Variants in CDC42BPG observed in about 807,000 individuals in gnomAD.
The protein encoded by CDC42BPG is serine/threonine-protein kinase MRCK gamma.
CDC42BPG carries 157 observed loss-of-function variants against 192.2 expected under a neutral mutation model. The ratio of observed to expected loss-of-function variants is 0.82; its 90% CI spans 0.72 to 0.93. CDC42BPG has a LOEUF of 0.93. Among genes scored for constraint, CDC42BPG ranks in the 40% least tolerant of loss-of-function variants. The probability of loss-of-function intolerance (pLI) is 0.00; values close to 1 mark genes in which losing one functional copy is unlikely to be tolerated. For missense variants in CDC42BPG, 1,992 were observed against 2,122.1 expected (o/e 0.94, Z 1.20); for synonymous variants, 981 against 918.5 (o/e 1.07, Z -1.23).
chr11:64,835,745 G>C lies in CDC42BPG; in HGVS notation c.1758+17C>G, dbSNP rs1240878664. The C allele has an allele frequency of 6.2e-7, 1 of 1,613,268 alleles. No individual in the cohort carries two copies. The highest frequency in any genetic ancestry group is 2.2e-5 in the East Asian group (1 of 44,866). On this transcript the variant is annotated intron_variant, in intron 14 of 36. Coordinates refer to ENST00000342711, the MANE Select transcript of CDC42BPG (RefSeq NM_017525.3). Reference sequence around the variant, plus strand: ...TGGTGGGGAAGCACCTCTTGCCAAGGGGGAGGACTTGACTACCTTGGCCTG... The same window carrying C: ...TGGTGGGGAAGCACCTCTTGCCAAGCGGGAGGACTTGACTACCTTGGCCTG...
At chr11:64,826,437 T>C (rs375949928) in intron 36 of CDC42BPG, 33 bp downstream of exon 36, 7 of 1,485,420 alleles carry the variant, frequency 4.7e-6, no homozygotes, top group Non-Finnish European at 5.6e-6. Flanking sequence ...GACGTTTGAA[T>C]AGGGGACGGA....
chr11:64,837,132 C>A, intron 9 of CDC42BPG, 113 bp from the exon 10 acceptor site: 1 of 921,724 alleles, frequency 1.1e-6, no homozygotes, highest in South Asian at 1.4e-5. Context: ...ACAGACCCTG[C>A]CCTCGGGAGA....
rs1278840769 is a variant in CDC42BPG at position 64,827,260 on chromosome 11, C to A, written c.4271+18G>T. The A allele has an allele frequency of 1.2e-6, 2 of 1,613,328 alleles. No individual in the cohort carries two copies. The highest frequency in any genetic ancestry group is 8.5e-7 in the Non-Finnish European group (1 of 1,179,706). ...GGCGGCCCCACCCAGCCTCAGCCCCCGCGTCGTGCACGCGCACCTGCGCTG... is the reference window on the plus strand; with the variant it reads ...GGCGGCCCCACCCAGCCTCAGCCCCAGCGTCGTGCACGCGCACCTGCGCTG... On this transcript the variant is annotated intron_variant, in intron 33 of 36. Transcript: ENST00000342711.
rs1281243962 is a variant in CDC42BPG at position 64,833,669 on chromosome 11, G to C, written c.2566-10C>G. ...CTCTGGGGAACACAGCCTGCAGGAG[G>C]GCGGGGGAGCAGGTGAGACGGGCAA... On this transcript the variant is annotated splice_polypyrimidine_tract_variant and intron_variant, in intron 22 of 36. Coordinates refer to ENST00000342711, the MANE Select transcript of CDC42BPG (RefSeq NM_017525.3). The C allele has an allele frequency of 6.2e-7, 1 of 1,612,616 alleles. No homozygotes were observed. The highest frequency in any genetic ancestry group is 8.5e-7 in the Non-Finnish European group (1 of 1,179,606).
At chr11:64,830,121 C>G in intron 29 of CDC42BPG, 51 bp from the exon 30 acceptor site, 1 of 1,611,416 alleles carries the variant, frequency 6.2e-7, no homozygotes, top group Non-Finnish European at 8.5e-7. Context: ...TGAAGAGTGA[C>G]CCATCCCCAT....
intron 27 of CDC42BPG, among the ~76,000 whole-genome samples, 192 bp downstream of exon 27, chr11:64,832,236 C>T (rs572251777): frequency 2.0e-5 from 3 of 152,320 alleles, no homozygotes; most frequent in East Asian, 1.9e-4. Flanking sequence ...AGGAGCACCC[C>T]GAGCCCCGCA....
At chr11:64,836,715 G>GGA (rs1555173159) in intron 11 of CDC42BPG, 24 bp downstream of exon 11, 1 of 870,666 alleles carries the variant, frequency 1.1e-6, no homozygotes, top group East Asian at 2.9e-5. Context: ...CTGGGGGGGG[G>GGA]GGGGGGGTGG....
rs749521014 is a variant in CDC42BPG, at chr11:64,838,693, G to A, written c.1086C>T (p.Thr362=). Residue 362 remains threonine, a synonymous_variant, in exon 8 of 37, where the codon ACC becomes ACT. Transcript: ENST00000342711. ...YIPELRGPMD[T]SNFDVDDDTL... ...TGTCGTCATCCACATCAAAGTTGGAGGTGTCCATGGGCCCCCGCAGCTCAG... is the reference window on the plus strand; with the variant it reads ...TGTCGTCATCCACATCAAAGTTGGAAGTGTCCATGGGCCCCCGCAGCTCAG... 2.5e-6 allele frequency: 4 copies of A among 1,613,246 alleles called. No homozygotes were observed. The South Asian group carries it at 3.3e-5, about 13-fold the overall frequency.
At chr11:64,841,783 C>T in intron 2 of CDC42BPG, 30 bp downstream of exon 2, 1 of 1,611,722 alleles carries the variant, frequency 6.2e-7, no homozygotes, top group Admixed American at 1.7e-5. Context: ...GTGAACACCT[C>T]CCCCCACCTA....
rs1349859413 is a variant in CDC42BPG, at chr11:64,823,142, A to T, written c.*1331T>A. 6.8e-6 allele frequency among the ~76,000 whole-genome samples: 1 copy of T among 147,294 alleles called. No homozygotes were observed. The highest frequency in any genetic ancestry group is 2.5e-5 in the African/African-American group (1 of 39,754). Reference sequence around the variant, plus strand: ...CACTCTGTCACCCAGGCTGGAGTGCAGTGGCGCGATCTCGGCTCACTGCAA... The same window carrying T: ...CACTCTGTCACCCAGGCTGGAGTGCTGTGGCGCGATCTCGGCTCACTGCAA... On this transcript the variant is annotated 3_prime_UTR_variant, in exon 37 of 37. Coordinates refer to ENST00000342711, the MANE Select transcript of CDC42BPG (RefSeq NM_017525.3).
chr11:64,840,466 C>T, intron 4 of CDC42BPG, 87 bp downstream of exon 4: 2 of 1,462,940 alleles, frequency 1.4e-6, no homozygotes, highest in Non-Finnish European at 1.9e-6. Context: ...CAAGAGGGGT[C>T]TCTCTTTGGG....
intron 32 of CDC42BPG, 47 bp from the exon 33 acceptor site, chr11:64,827,445 C>T (rs756697676): frequency 3.7e-5 from 59 of 1,604,432 alleles, no homozygotes; most frequent in Non-Finnish European, 8.5e-7. Context: ...ATTCCCGGGG[C>T]CCAGTCAGCT....
At position 64,836,163 on chromosome 11, in the gene CDC42BPG, C is replaced by G. The variant is rs771569916; in HGVS notation, c.1622G>C (p.Arg541Pro). 5.0e-6 allele frequency: 8 copies of G among 1,596,514 alleles called. No individual in the cohort carries two copies. Among genetic ancestry groups the G allele is most frequent in the Non-Finnish European group, 6.8e-6 (8 of 1,173,292 alleles). Residue 541 changes from arginine to proline, a missense_variant, in exon 13 of 37, where the codon CGG becomes CCG. Physicochemically the swap from Arg to Pro is moderately radical, Grantham distance 103. Transcript: ENST00000342711. ...EREAATASQT[R>P]ALSSQLEEAR... ...TTCCTCCAGCTGGGAGCTCAGGGCC[C>G]GGGTCTGGCTAGCTGTGGCCGCCTC... is the stretch of plus-strand genomic sequence containing the variant.
At position 64,834,332 on chromosome 11, in the gene CDC42BPG, G is replaced by C; in HGVS notation, c.2347C>G (p.Gln783Glu). 1 of 1,574,404 alleles carries C rather than the reference G, an allele frequency of 6.4e-7. No individual in the cohort carries two copies. The highest frequency in any genetic ancestry group is 8.6e-7 in the Non-Finnish European group (1 of 1,164,220). ...AERRLQEAEK[Q>E]SQALQQELAM... Reference sequence around the variant, plus strand: ...AGCTCCTGTTGCAGGGCCTGGCTCTGCTTCTCGGCCTCCTGCAGACGGCTG... The same window carrying C: ...AGCTCCTGTTGCAGGGCCTGGCTCTCCTTCTCGGCCTCCTGCAGACGGCTG... The change falls in exon 20 of 37, where the codon CAG becomes GAG. Residue 783 changes from glutamine to glutamate, a missense_variant. Transcript: ENST00000342711.
chr11:64,827,261 G>A lies in CDC42BPG; in HGVS notation c.4271+17C>T, dbSNP rs1942470905. On this transcript the variant is annotated intron_variant, in intron 33 of 36. Coordinates refer to ENST00000342711, the MANE Select transcript of CDC42BPG (RefSeq NM_017525.3). ...GCGGCCCCACCCAGCCTCAGCCCCC[G>A]CGTCGTGCACGCGCACCTGCGCTGC... 6.2e-7 allele frequency: 1 copy of A among 1,613,188 alleles called. No homozygotes were observed. Among genetic ancestry groups the A allele is most frequent in the Non-Finnish European group, 8.5e-7 (1 of 1,179,704 alleles).
At chr11:64,831,068 A>T (rs1265848513) in intron 28 of CDC42BPG, among the ~76,000 whole-genome samples, 3 of 152,030 alleles carry the variant, frequency 2.0e-5, no homozygotes, top group Non-Finnish European at 2.9e-5. Flanking sequence ...AAATACAAAA[A>T]ATAGCCAGGC....
At chr11:64,838,537 G>C (rs548126583) in intron 8 of CDC42BPG, 117 bp downstream of exon 8, 1 of 1,350,486 alleles carries the variant, frequency 7.4e-7, no homozygotes, top group East Asian at 2.3e-5. Flanking sequence ...TAAATCATAA[G>C]CCCCGGTGTC....
chr11:64,826,551 C>T lies in CDC42BPG; in HGVS notation c.4518G>A (p.Lys1506=). 6.2e-7 allele frequency: 1 copy of T among 1,601,108 alleles called. No individual in the cohort carries two copies. Among genetic ancestry groups the T allele is most frequent in the Non-Finnish European group, 8.5e-7 (1 of 1,174,560 alleles). The change falls in exon 36 of 37, where the codon AAG becomes AAA. Residue 1506 remains lysine (K), a synonymous_variant. Transcript: ENST00000342711. The part of the protein sequence containing the change: ...EGLGGDADPM[K]RKPWTSLSSE... ...TGGACAGGGATGTCCAGGGTTTCCT[C>T]TTCACTGCTCCAGCAGCAGACGAGG...
At chr11:64,836,620 G>A (rs921734995) in intron 11 of CDC42BPG, 90 bp from the exon 12 acceptor site, 91 of 1,328,640 alleles carry the variant, frequency 6.8e-5, no homozygotes, top group Non-Finnish European at 8.3e-5. Flanking sequence ...TCCCACACGC[G>A]GGCTCAGAGA....
Sources: gnomAD v4.1 joint callset for allele counts (sites outside exome capture counted in the v4.1 genomes callset) on GRCh38, gnomAD v4.1.1 for gene constraint, MANE v1.5 for transcripts, NCBI Gene and HGNC (gene_info 2026-07-23, HGNC 2026-07-21) for gene names.